The following ESYT3 variants were observed in gnomAD, a reference collection of about 807,000 sequenced individuals.
ESYT3 encodes the protein extended synaptotagmin 3.
In ESYT3, 101 loss-of-function variants were observed where a neutral mutation model predicts 111.5. The observed-to-expected ratio is 0.91, with a 90% confidence interval of 0.77 to 1.07. ESYT3 has a LOEUF of 1.07. Ranked by LOEUF, ESYT3 falls within the 50% of genes least tolerant of loss-of-function variation. ESYT3 has a pLI of 0.00. For missense variants in ESYT3, 1,097 were observed against 1,109.4 expected, an observed-to-expected ratio of 0.99 and a Z score of 0.16; for synonymous variants, 416 against 446.8, an observed-to-expected ratio of 0.93 and a Z score of 0.87.
intron 15 of ESYT3, 38 bp downstream of exon 15, chr3:138,469,542 C>A (rs1253930086): frequency 6.3e-7 from 1 of 1,578,444 alleles, no homozygotes; most frequent in Non-Finnish European, 8.7e-7. Flanking sequence ...GGTAAGGAAA[C>A]AAGGACCCAG....
intron 1 of ESYT3, among the ~76,000 whole-genome samples, chr3:138,447,963 A>T (rs979992230): frequency 6.6e-6 from 1 of 152,056 alleles, no homozygotes; most frequent in Non-Finnish European, 1.5e-5. Context: ...TGTGAGAAAG[A>T]AAAAGCAAAA....
At chr3:138,458,443 C>T (rs748664905) in intron 4 of ESYT3, among the ~76,000 whole-genome samples, 28 of 152,348 alleles carry the variant, frequency 1.8e-4, no homozygotes, top group Admixed American at 5.2e-4. Flanking sequence ...AGGCAGCCCC[C>T]GGGGTCCCCA....
chr3:138,444,652 C>G (rs2108595764), intron 1 of ESYT3, among the ~76,000 whole-genome samples: 1 of 152,330 alleles, frequency 6.6e-6, no homozygotes, highest in African/African-American at 2.4e-5. Flanking sequence ...TTCCTCCTGC[C>G]TGGCTACAGA....
At chr3:138,454,393 T>A (rs1202372127) in intron 2 of ESYT3, among the ~76,000 whole-genome samples, 13 of 151,716 alleles carry the variant, frequency 8.6e-5, no homozygotes, top group South Asian at 4.2e-4. Context: ...AAAAAAAAAA[T>A]TAAAAATTAA....
At chr3:138,481,540 G>A (rs2033688295), downstream of ESYT3, 1 of 151,764 alleles carries the variant, frequency 6.6e-6, no homozygotes. Flanking sequence ...CTAATTTTTT[G>A]TATTTTTAGC....
intron 8 of ESYT3, chr3:138,462,463 A>T: frequency 1.8e-6 from 1 of 557,488 alleles, no homozygotes. Context: ...ACAACTGACC[A>T]TGAATATTTA....
intron 8 of ESYT3, 42 bp from the exon 9 acceptor site, chr3:138,464,303 C>A: frequency 6.2e-7 from 1 of 1,607,110 alleles, no homozygotes; most frequent in Non-Finnish European, 8.5e-7. Flanking sequence ...ACTTGGAGGC[C>A]CCAGGAAGCA....
chr3:138,459,244 C>A lies in ESYT3; in HGVS notation c.639C>A (p.Asn213Lys). Residue 213 changes from asparagine (N) to lysine (K), a missense_variant, in exon 5 of 23, where the codon AAC becomes AAA. Asn to Lys is a moderately conservative substitution (Grantham distance 94, BLOSUM62 0). Transcript: ENST00000389567. ...VELQKIQAGV[N>K]GIQLQGTLRV... ...TGCAGAAGATTCAGGCTGGTGTGAACGGGATCCAGGTGGGTGGAGCCCGGT... is the reference window on the plus strand; with the variant it reads ...TGCAGAAGATTCAGGCTGGTGTGAAAGGGATCCAGGTGGGTGGAGCCCGGT... The A allele has an allele frequency of 5.1e-6, 8 of 1,558,470 alleles. No homozygotes were observed. The highest frequency in any genetic ancestry group is 7.0e-6 in the Non-Finnish European group (8 of 1,145,364).
At chr3:138,473,300 A>G in intron 18 of ESYT3, 1 of 659,064 alleles carries the variant, frequency 1.5e-6, no homozygotes, top group Non-Finnish European at 2.3e-6. Context: ...CCCAAAAGGA[A>G]TCATGATACA....
intron 1 of ESYT3, among the ~76,000 whole-genome samples, chr3:138,447,706 C>G (rs2031635243): frequency 6.6e-6 from 1 of 152,074 alleles, no homozygotes; most frequent in African/African-American, 2.4e-5. Flanking sequence ...CCACACAGTA[C>G]TCTAACAAAA....
At chr3:138,460,855 C>T (rs2032593464) in intron 7 of ESYT3, among the ~76,000 whole-genome samples, 189 bp downstream of exon 7, 1 of 152,144 alleles carries the variant, frequency 6.6e-6, no homozygotes, top group Non-Finnish European at 1.5e-5. Context: ...GCACTGTGCC[C>T]AGCACACCCC....
At chr3:138,453,933 T>G (rs1286823468) in intron 2 of ESYT3, among the ~76,000 whole-genome samples, 1 of 152,218 alleles carries the variant, frequency 6.6e-6, no homozygotes, top group African/African-American at 2.4e-5. Flanking sequence ...ACGATCCTCC[T>G]GCCTCAGCCT....
chr3:138,451,172 C>T (rs1200662434), intron 1 of ESYT3, among the ~76,000 whole-genome samples: 1 of 152,244 alleles, frequency 6.6e-6, no homozygotes, highest in African/African-American at 2.4e-5. Flanking sequence ...CTCCACTCAC[C>T]TTCCACTGTT....
In ESYT3 at chr3:138,456,019, C is replaced by T. The variant is rs143556544; in HGVS notation, c.504+691C>T. ...CCAGTAAATGAGAGGCACTGGCATC[C>T]GGTCTTCCCAGCAACGAGCAGGTGT... On this transcript the variant is annotated intron_variant, in intron 3 of 22. Coordinates refer to ENST00000389567, the MANE Select transcript of ESYT3 (RefSeq NM_031913.5). Among the ~76,000 whole-genome samples, 486 of 152,318 alleles carry T rather than the reference C, an allele frequency of 3.2e-3. 1 individual carries two copies. The highest frequency in any genetic ancestry group is 5.4e-3 in the Non-Finnish European group (365 of 68,024).
chr3:138,470,021 A>C, intron 15 of ESYT3, 39 bp from the exon 16 acceptor site: 1 of 1,585,958 alleles, frequency 6.3e-7, no homozygotes. Context: ...GCTCTGCCCA[A>C]CCTAACCCTT....
chr3:138,468,941 G>C, intron 14 of ESYT3, 60 bp downstream of exon 14: 1 of 1,547,030 alleles, frequency 6.5e-7, no homozygotes, highest in South Asian at 1.1e-5. Flanking sequence ...TCTCCCCAGA[G>C]TAACCACAAC....
rs764384371 is a variant in ESYT3 at position 138,460,020 on chromosome 3, T to C, written c.724T>C (p.Phe242Leu). The change falls in exon 6 of 23, where the codon TTC becomes CTC. Residue 242 changes from phenylalanine (F) to leucine (L), a missense_variant. By Grantham distance (22) the Phe-to-Leu change is conservative (BLOSUM62 0). Transcript: ENST00000389567. ...KPFVGAVTVF[F>L]LQKPHLQINW... is the part of the protein sequence containing the mutation. Reference sequence around the variant, plus strand: ...CTTTGTGGGAGCCGTGACTGTGTTCTTCCTTCAGAAGCCGGTGAGTCCCAA... The same window carrying C: ...CTTTGTGGGAGCCGTGACTGTGTTCCTCCTTCAGAAGCCGGTGAGTCCCAA... The C allele has an allele frequency of 1.2e-6, 2 of 1,614,020 alleles. No homozygotes were observed. Among genetic ancestry groups the C allele is most frequent in the Admixed American group, 1.7e-5 (1 of 60,002 alleles).
rs2033395821 is a variant in ESYT3, at chr3:138,474,520, T to C, written c.2468+168T>C. ...CTGTACGTTAGTGGGGAAAATGGAG[T>C]GCCAGAGAAGTTTATCAAAATGGCC... On this transcript the variant is annotated intron_variant, in intron 20 of 22. Transcript: ENST00000389567. 4.3e-6 allele frequency: 3 copies of C among 690,820 alleles called. No individual in the cohort carries two copies. The South Asian group carries it at 1.1e-4, about 25-fold the overall frequency. The allele number at this position is 690,820 out of a possible 1,614,324, so 42.8% of individuals were successfully genotyped here. A position where few individuals can be genotyped will look rare whatever the true frequency, so the allele number is the denominator to read the frequency against.
chr3:138,467,571 T>C lies in ESYT3; in HGVS notation c.1180T>C (p.Cys394Arg). The change falls in exon 11 of 23, where the codon TGC (cysteine) becomes CGC (arginine). Residue 394 changes from cysteine (C) to arginine (R), a missense_variant. Transcript: ENST00000389567. ...CCCTGTATATTCCAGCCTGCAGATC[T>C]GCCTTGGAGATGTCATGACCAACAG... ...RDDFLGSLQICLGDVMTNRVV... is the reference protein window; with the variant it reads ...RDDFLGSLQIRLGDVMTNRVV... 6.2e-7 allele frequency: 1 copy of C among 1,614,200 alleles called. No individual in the cohort carries two copies.
Sources: gnomAD v4.1 joint callset for allele counts (sites outside exome capture counted in the v4.1 genomes callset) on GRCh38, gnomAD v4.1.1 for gene constraint, MANE v1.5 for transcripts, NCBI Gene and HGNC (gene_info 2026-07-23, HGNC 2026-07-21) for gene names.